The following CORIN variants were observed in gnomAD, a reference collection of about 807,000 sequenced individuals.
The protein encoded by CORIN is atrial natriuretic peptide-converting enzyme.
In CORIN, 117 loss-of-function variants were observed where a neutral mutation model predicts 125.3. The ratio of observed to expected loss-of-function variants is 0.93; its 90% CI spans 0.80 to 1.09. The LOEUF is 1.09. CORIN is among the 50% of genes least tolerant of loss of function. The probability of loss-of-function intolerance (pLI) is 0.00; values close to 1 mark genes in which losing one functional copy is unlikely to be tolerated. For synonymous variants in CORIN, 450 were observed against 466.4 expected (o/e 0.96, Z 0.45); for missense variants, 1,253 against 1,306.7 (o/e 0.96, Z 0.63).
intron 1 of CORIN, among the ~76,000 whole-genome samples, chr4:47,809,122 A>T (rs911616138): frequency 2.5e-4 from 38 of 152,194 alleles, no homozygotes; most frequent in African/African-American, 8.9e-4. Context: ...TTACGAGTTA[A>T]AAAAAGTTGC....
chr4:47,818,715 A>G (rs1274533926), intron 1 of CORIN, among the ~76,000 whole-genome samples: 1 of 152,080 alleles, frequency 6.6e-6, no homozygotes, highest in African/African-American at 2.4e-5. Context: ...TCTAACAAAA[A>G]TGCAAAAATT....
At chr4:47,720,093 A>G (rs1727278771) in intron 5 of CORIN, among the ~76,000 whole-genome samples, 1 of 152,222 alleles carries the variant, frequency 6.6e-6, no homozygotes, top group South Asian at 2.1e-4. Flanking sequence ...TTGCTTCATA[A>G]AAATAGCATA....
intron 5 of CORIN, among the ~76,000 whole-genome samples, chr4:47,736,080 C>G (rs1475622964): frequency 2.0e-5 from 3 of 151,550 alleles, no homozygotes; most frequent in Non-Finnish European, 2.9e-5. Context: ...TTCTTAAATC[C>G]CGTATCAATG....
At chr4:47,676,802 A>G (rs1192431664) in intron 9 of CORIN, among the ~76,000 whole-genome samples, 1 of 152,242 alleles carries the variant, frequency 6.6e-6, no homozygotes, top group Non-Finnish European at 1.5e-5. Context: ...ATTATTTCAG[A>G]GTTGAATTAT....
At chr4:47,688,787 A>G (rs1725638554) in intron 6 of CORIN, among the ~76,000 whole-genome samples, 1 of 152,228 alleles carries the variant, frequency 6.6e-6, no homozygotes, top group South Asian at 2.1e-4. Context: ...TTGATTCAGT[A>G]TAATCAGATT....
intron 1 of CORIN, among the ~76,000 whole-genome samples, chr4:47,809,701 C>T (rs1317822134): frequency 6.6e-6 from 1 of 152,074 alleles, no homozygotes; most frequent in Admixed American, 6.5e-5. Context: ...CCACCACGCC[C>T]AGCCAGAGAA....
At chr4:47,600,407 A>G in intron 20 of CORIN, 60 bp from the exon 21 acceptor site, 1 of 1,223,020 alleles carries the variant, frequency 8.2e-7, no homozygotes, top group Non-Finnish European at 1.1e-6. Context: ...AAGTGAGGCT[A>G]GTGAGGCTAG....
intron 5 of CORIN, chr4:47,706,546 T>C: frequency 6.2e-7 from 1 of 1,610,680 alleles, no homozygotes; most frequent in Non-Finnish European, 8.5e-7. Context: ...CAAGCAAGGT[T>C]ACGTTATACA....
At chr4:47,837,579 C>A (rs988075849) in intron 1 of CORIN, 7 of 509,614 alleles carry the variant, frequency 1.4e-5, no homozygotes, top group Non-Finnish European at 2.5e-5. Flanking sequence ...TGGCATCACC[C>A]CCGGCATGGA....
intron 4 of CORIN, among the ~76,000 whole-genome samples, chr4:47,762,240 T>A (rs1425139645): frequency 1.3e-5 from 2 of 152,178 alleles, no homozygotes; most frequent in Non-Finnish European, 2.9e-5. Context: ...ATTTAGCCAT[T>A]CCATCATGTA....
chr4:47,794,488 A>G (rs1188554183), intron 2 of CORIN, among the ~76,000 whole-genome samples: 17 of 152,208 alleles, frequency 1.1e-4, no homozygotes, highest in Non-Finnish European at 8.8e-5. Flanking sequence ...CATCATATTA[A>G]GAAAACTAGA....
intron 1 of CORIN, among the ~76,000 whole-genome samples, chr4:47,822,507 C>A: frequency 6.6e-6 from 1 of 152,278 alleles, no homozygotes; most frequent in South Asian, 2.1e-4. Context: ...TTGGTTTTCA[C>A]GTCTCTTTAG....
chr4:47,819,694 AATC>A (rs1732423577), intron 1 of CORIN, among the ~76,000 whole-genome samples: 1 of 152,188 alleles, frequency 6.6e-6, no homozygotes, highest in African/African-American at 2.4e-5. Context: ...CCTGATTCAG[AATC>A]AGAGATCAGA....
chr4:47,768,160 G>A (rs1359804994), intron 3 of CORIN, among the ~76,000 whole-genome samples: 1 of 152,072 alleles, frequency 6.6e-6, no homozygotes, highest in Non-Finnish European at 1.5e-5. Flanking sequence ...CCCTTTGACT[G>A]TAATTTTCCA....
At chr4:47,712,420 C>T (rs1458127635) in intron 5 of CORIN, among the ~76,000 whole-genome samples, 1 of 152,146 alleles carries the variant, frequency 6.6e-6, no homozygotes, top group Admixed American at 6.5e-5. Context: ...GTAGTTAGGA[C>T]TACAGGTGTG....
At chr4:47,815,909 A>G (rs1031188312) in intron 1 of CORIN, among the ~76,000 whole-genome samples, 3 of 152,200 alleles carry the variant, frequency 2.0e-5, no homozygotes, top group Non-Finnish European at 4.4e-5. Context: ...CCAAACCCAC[A>G]TTTCATTTAG....
intron 1 of CORIN, among the ~76,000 whole-genome samples, chr4:47,810,052 C>T (rs962250006): frequency 9.2e-5 from 14 of 152,218 alleles, no homozygotes; most frequent in South Asian, 2.1e-4. Flanking sequence ...GCACAGCATT[C>T]CATGGCAAGG....
intron 1 of CORIN, among the ~76,000 whole-genome samples, chr4:47,830,289 C>T (rs530948530): frequency 3.3e-5 from 5 of 151,736 alleles, no homozygotes; most frequent in Non-Finnish European, 5.9e-5. Flanking sequence ...AATTAATTGG[C>T]TTGAGGTTAG....
At chr4:47,706,483 A>G (rs901218600) in intron 5 of CORIN, 5 of 1,611,524 alleles carry the variant, frequency 3.1e-6, no homozygotes, top group African/African-American at 2.7e-5. Flanking sequence ...TGCTCTTCAC[A>G]GGGCTCCCCG....
Sources: gnomAD v4.1 joint callset for allele counts (sites outside exome capture counted in the v4.1 genomes callset) on GRCh38, gnomAD v4.1.1 for gene constraint, MANE v1.5 for transcripts, NCBI Gene and HGNC (gene_info 2026-07-23, HGNC 2026-07-21) for gene names.